The following ERICH5 variants were observed in gnomAD, a reference collection of about 807,000 sequenced individuals.
ERICH5 encodes the protein glutamate-rich protein 5.
A neutral mutation model predicts 28.0 loss-of-function variants in ERICH5; 24 were observed. The observed-to-expected ratio is 0.86, with a 90% CI of 0.62 to 1.21. The LOEUF (loss-of-function observed/expected upper bound fraction) is 1.21, where lower values mean the gene tolerates loss of function less well. ERICH5 is among the 50% of genes most tolerant of loss of function. The probability of loss-of-function intolerance (pLI) is 0.00; values close to 1 mark genes in which losing one functional copy is unlikely to be tolerated. For synonymous variants in ERICH5, 163 were observed against 157.6 expected (o/e 1.03, Z -0.25); for missense variants, 421 against 441.2 (o/e 0.95, Z 0.41).
At chr8:98,083,373 T>C (rs1815215700) in intron 1 of ERICH5, among the ~76,000 whole-genome samples, 1 of 152,194 alleles carries the variant, frequency 6.6e-6, no homozygotes, top group Non-Finnish European at 1.5e-5. Flanking sequence ...TTTTTAGACC[T>C]GAAAAATCAC....
chr8:98,091,082 C>T (rs895079047), intron 2 of ERICH5, among the ~76,000 whole-genome samples: 6 of 152,088 alleles, frequency 3.9e-5, no homozygotes, highest in Admixed American at 6.5e-5. Context: ...GGACTACAGG[C>T]GCACACCACC....
intron 1 of ERICH5, among the ~76,000 whole-genome samples, chr8:98,076,824 A>C (rs1199427797): frequency 6.6e-6 from 1 of 151,838 alleles, no homozygotes; most frequent in Non-Finnish European, 1.5e-5. Context: ...CATTGAAAAA[A>C]AAAATTCCCA....
At chr8:98,071,504 G>A (rs1238516178) in intron 1 of ERICH5, among the ~76,000 whole-genome samples, 1 of 151,930 alleles carries the variant, frequency 6.6e-6, no homozygotes, top group African/African-American at 2.4e-5. Flanking sequence ...TTAGAGACAG[G>A]GTCTTGCTCT....
intron 1 of ERICH5, among the ~76,000 whole-genome samples, chr8:98,086,950 C>CA (rs35907854): frequency 0.37 from 31,717 of 85,890 alleles, 4,747 homozygotes; most frequent in African/African-American, 0.49. Context: ...GACTCCGTCT[C>CA]AAAAAAAAAA....
chr8:98,089,638 C>T lies in ERICH5; in HGVS notation c.621C>T (p.Gly207=). ...LQIAGELQPQ[G]TVGKDEQAPL... is the part of the protein sequence containing the mutation. ...TAGCTGGAGAGCTACAACCTCAGGG[C>T]ACAGTGGGAAAGGATGAGCAGGCCC... The change falls in exon 2 of 3, where the codon GGC becomes GGT. Residue 207 remains glycine (G), a synonymous_variant. Transcript: ENST00000318528. 3 of 1,614,044 alleles carry T rather than the reference C, an allele frequency of 1.9e-6. No homozygotes were observed. Among genetic ancestry groups the T allele is most frequent in the South Asian group, 1.1e-5 (1 of 91,072 alleles).
At chr8:98,088,763 AAGAG>A in intron 1 of ERICH5, among the ~76,000 whole-genome samples, 1 of 152,356 alleles carries the variant, frequency 6.6e-6, no homozygotes, top group Non-Finnish European at 1.5e-5. Context: ...CAAGGAAAAG[AAGAG>A]AGAAACAGAG....
At position 98,089,395 on chromosome 8, in the gene ERICH5, A is replaced by G; in HGVS notation, c.378A>G (p.Ala126=). The change falls in exon 2 of 3, where the codon GCA becomes GCG. Residue 126 remains alanine (A), a synonymous_variant. Transcript: ENST00000318528. ...PQPGGKEDAP[A]AEGKKKDAGA... is the part of the protein sequence containing the mutation. ...CAGGTGGCAAAGAGGATGCCCCAGC[A>G]GCAGAAGGAAAGAAGAAAGATGCAG... The G allele has an allele frequency of 6.2e-7, 1 of 1,614,256 alleles. No homozygotes were observed. Among genetic ancestry groups the G allele is most frequent in the African/African-American group, 1.3e-5 (1 of 75,074 alleles).
intron 1 of ERICH5, among the ~76,000 whole-genome samples, chr8:98,065,493 G>C (rs1419180755): frequency 6.6e-6 from 1 of 152,222 alleles, no homozygotes; most frequent in East Asian, 1.9e-4. Context: ...TAATACCCCA[G>C]TGCTTGGCTA....
At position 98,090,021 on chromosome 8, in the gene ERICH5, G is replaced by C. The variant is rs575526227; in HGVS notation, c.1004G>C (p.Arg335Pro). The C allele has an allele frequency of 1.9e-6, 3 of 1,607,208 alleles. No individual in the cohort carries two copies. The highest frequency in any genetic ancestry group is 2.7e-5 in the African/African-American group (2 of 74,776). ...ATCCATACTAATGAAGAGGACCAACGCATTGAAGGTAAAAGTTATGCTGGC... is the reference window on the plus strand; with the variant it reads ...ATCCATACTAATGAAGAGGACCAACCCATTGAAGGTAAAAGTTATGCTGGC... ...RNIHTNEEDQ[R>P]IEGETGEKVE... Residue 335 changes from arginine to proline, a missense_variant, in exon 2 of 3, where the codon CGC (arginine) becomes CCC (proline). Arg to Pro is a moderately radical substitution (Grantham distance 103, BLOSUM62 -2). Transcript: ENST00000318528.
At chr8:98,071,904 A>T (rs548779580) in intron 1 of ERICH5, among the ~76,000 whole-genome samples, 1 of 131,664 alleles carries the variant, frequency 7.6e-6, no homozygotes, top group East Asian at 2.3e-4. Context: ...TTATTTTTTA[A>T]GTTTTATTTT....
chr8:98,082,084 C>T (rs895276103), intron 1 of ERICH5, among the ~76,000 whole-genome samples: 3 of 152,076 alleles, frequency 2.0e-5, no homozygotes, highest in African/African-American at 7.2e-5. Flanking sequence ...TGAAATACAG[C>T]CATTTCAAAA....
At chr8:98,064,935 G>T (rs1376886530) in intron 1 of ERICH5, among the ~76,000 whole-genome samples, 1 of 152,228 alleles carries the variant, frequency 6.6e-6, no homozygotes. Context: ...GGCGGCCCTG[G>T]TGCGCTCCGC....
intron 1 of ERICH5, among the ~76,000 whole-genome samples, chr8:98,079,621 C>G (rs534033758): frequency 6.6e-6 from 1 of 152,286 alleles, no homozygotes; most frequent in Admixed American, 6.5e-5. Flanking sequence ...CTCACTGCAA[C>G]CTCCGCCTCC....
intron 1 of ERICH5, among the ~76,000 whole-genome samples, chr8:98,074,987 T>C (rs559764891): frequency 1.3e-5 from 2 of 152,194 alleles, no homozygotes; most frequent in Non-Finnish European, 2.9e-5. Context: ...TTGTTTTTGA[T>C]GACTCTGACA....
intron 1 of ERICH5, among the ~76,000 whole-genome samples, chr8:98,073,794 C>T (rs1187799429): frequency 1.3e-5 from 2 of 151,064 alleles, no homozygotes; most frequent in African/African-American, 4.9e-5. Context: ...CCACCCACCT[C>T]GGCCTCCCAA....
chr8:98,084,536 A>G (rs1586205254), intron 1 of ERICH5, among the ~76,000 whole-genome samples: 2 of 152,166 alleles, frequency 1.3e-5, no homozygotes, highest in South Asian at 4.1e-4. Flanking sequence ...GCATGCAACC[A>G]CGCCTGGCTA....
At chr8:98,088,217 T>C (rs1815314818) in intron 1 of ERICH5, among the ~76,000 whole-genome samples, 1 of 152,282 alleles carries the variant, frequency 6.6e-6, no homozygotes, top group East Asian at 1.9e-4. Flanking sequence ...AACTGCTGGG[T>C]CAAAGAGTAT....
intron 2 of ERICH5, among the ~76,000 whole-genome samples, chr8:98,092,897 C>CTCT (rs1248311408): frequency 4.0e-5 from 6 of 151,616 alleles, no homozygotes; most frequent in African/African-American, 1.5e-4. Flanking sequence ...TGCCTCAGCC[C>CTCT]CCCGAGTAGC....
At chr8:98,071,975 A>G (rs2513824) in intron 1 of ERICH5, among the ~76,000 whole-genome samples, 94,948 of 151,112 alleles carry the variant, frequency 0.63, 30,037 homozygotes, top group East Asian at 0.69. Context: ...CTCAAACTCC[A>G]GGCTTCAAGC....
Sources: gnomAD v4.1 joint callset for allele counts (sites outside exome capture counted in the v4.1 genomes callset) on GRCh38, gnomAD v4.1.1 for gene constraint, MANE v1.5 for transcripts, NCBI Gene and HGNC (gene_info 2026-07-23, HGNC 2026-07-21) for gene names.